The following BIRC2 variants were observed in gnomAD, a reference collection of about 807,000 sequenced individuals.
BIRC2 encodes baculoviral IAP repeat-containing protein 2.
BIRC2 carries 18 observed loss-of-function variants against 60.9 expected under a neutral mutation model. That is an observed-to-expected ratio of 0.30 (90% CI 0.20 to 0.44). The LOEUF is 0.44. BIRC2 is among the 20% of genes least tolerant of loss of function. The pLI is 1.00. For synonymous variants in BIRC2, 282 were observed against 247.7 expected, an observed-to-expected ratio of 1.14 and a Z score of -1.30; for missense variants, 701 against 728.5, an observed-to-expected ratio of 0.96 and a Z score of 0.43.
At position 102,361,678 on chromosome 11, in the gene BIRC2, G is replaced by A. The variant is rs149211707; in HGVS notation, c.996-1218G>A. Among the ~76,000 whole-genome samples the A allele has an allele frequency of 2.9e-4, 44 of 152,204 alleles. No homozygotes were observed. In the East Asian group the frequency reaches 8.3e-3, roughly 29 times the overall value. ...CTTGAGGGTTATTGGAGGTCTCCAG[G>A]GACCTGCTCTGGGGAGGAGCCTAGC... On this transcript the variant is annotated intron_variant, in intron 3 of 8. Transcript: ENST00000227758.
At position 102,368,536 on chromosome 11, in the gene BIRC2, G is replaced by A. The variant is rs1392494916; in HGVS notation, c.1354G>A (p.Glu452Lys). The A allele has an allele frequency of 1.9e-6, 3 of 1,613,184 alleles. No homozygotes were observed. The highest frequency in any genetic ancestry group is 2.5e-6 in the Non-Finnish European group (3 of 1,179,720). ...AGAGGAGAAGGAAAAACAAGCTGAA[G>A]AAATGGCATCAGGTATTTGGGGATG... ...REEEKEKQAEEMASDDLSLIR... is the reference protein window; with the variant it reads ...REEEKEKQAEKMASDDLSLIR... Residue 452 changes from glutamate to lysine, a missense_variant, in exon 6 of 9, where the codon GAA becomes AAA. Coordinates refer to ENST00000227758, the MANE Select transcript of BIRC2 (RefSeq NM_001166.5).
intron 6 of BIRC2, among the ~76,000 whole-genome samples, chr11:102,374,327 G>C (rs1332749529): frequency 3.3e-5 from 5 of 150,372 alleles, no homozygotes; most frequent in Admixed American, 6.6e-5. Flanking sequence ...TGATGATGGT[G>C]ATGTACAGAT....
chr11:102,348,210 G>GTAC (rs894368595), intron 1 of BIRC2: 2 of 152,304 alleles, frequency 1.3e-5, no homozygotes, highest in African/African-American at 4.8e-5. Flanking sequence ...AATTCCTGCT[G>GTAC]TACTGCTGCT....
intron 3 of BIRC2, among the ~76,000 whole-genome samples, chr11:102,354,089 A>G (rs2135806036): frequency 6.6e-6 from 1 of 152,304 alleles, no homozygotes; most frequent in Non-Finnish European, 1.5e-5. Flanking sequence ...CTGGGTGTAA[A>G]TGGACATGTG....
intron 3 of BIRC2, among the ~76,000 whole-genome samples, chr11:102,357,717 T>C (rs532931651): frequency 6.6e-6 from 1 of 152,250 alleles, no homozygotes; most frequent in East Asian, 1.9e-4. Context: ...TTACTTATCT[T>C]TTCAAAATCC....
chr11:102,361,134 C>T (rs1360619846), intron 3 of BIRC2, among the ~76,000 whole-genome samples: 1 of 152,016 alleles, frequency 6.6e-6, no homozygotes, highest in African/African-American at 2.4e-5. Flanking sequence ...ACTGATGTCT[C>T]TGATGGCGTG....
Position 102,350,052 on chromosome 11 carries a change from T to C in BIRC2, c.198T>C (p.Ser66=), listed in dbSNP as rs539386469. The C allele has an allele frequency of 6.2e-7, 1 of 1,614,056 alleles. No homozygotes were observed. Among genetic ancestry groups the C allele is most frequent in the African/African-American group, 1.3e-5 (1 of 74,986 alleles). The change falls in exon 2 of 9, where the codon AGT becomes AGC. Residue 66 remains serine, a synonymous_variant. Transcript: ENST00000227758. The part of the protein sequence containing the change: ...FPAGVPVSER[S]LARAGFYYTG... ...CCGGGGTGCCTGTCTCAGAAAGGAG[T>C]CTTGCTCGTGCTGGTTTTTATTATA...
intron 6 of BIRC2, 120 bp from the exon 7 acceptor site, chr11:102,377,376 G>C: frequency 1.2e-6 from 1 of 866,996 alleles, no homozygotes; most frequent in Non-Finnish European, 1.7e-6. Flanking sequence ...AAGTTACTTT[G>C]TTCTTTTTTG....
At chr11:102,362,648 G>A (rs1013878121) in intron 3 of BIRC2, 34 of 354,058 alleles carry the variant, frequency 9.6e-5, no homozygotes, top group Non-Finnish European at 1.6e-4. Context: ...TGTAGGTGCA[G>A]ACGCTTTTCT....
At chr11:102,377,930 A>G (rs752321408) in intron 8 of BIRC2, 32 bp downstream of exon 8, 5 of 1,605,896 alleles carry the variant, frequency 3.1e-6, no homozygotes, top group African/African-American at 1.3e-5. Context: ...AACATGAACT[A>G]TTACCCTTTT....
chr11:102,366,594 TCTC>T (rs1951555487), intron 5 of BIRC2, among the ~76,000 whole-genome samples: 1 of 151,746 alleles, frequency 6.6e-6, no homozygotes, highest in Non-Finnish European at 1.5e-5. Flanking sequence ...ATGGTCTCGA[TCTC>T]CTCACCTCAT....
chr11:102,353,087 CTTAA>C, intron 3 of BIRC2, among the ~76,000 whole-genome samples: 1 of 152,052 alleles, frequency 6.6e-6, no homozygotes, highest in South Asian at 2.1e-4. Context: ...TTTTAAATGA[CTTAA>C]TTATGTTGGG....
chr11:102,376,354 A>G (rs1178332641), intron 6 of BIRC2, among the ~76,000 whole-genome samples: 1 of 152,210 alleles, frequency 6.6e-6, no homozygotes, highest in Non-Finnish European at 1.5e-5. Context: ...GTGAAGAACA[A>G]ATTGGTTAGC....
intron 5 of BIRC2, among the ~76,000 whole-genome samples, chr11:102,364,173 A>ATATATATATATATATG (rs1951522926): frequency 4.1e-5 from 4 of 97,704 alleles, no homozygotes; most frequent in African/African-American, 2.0e-4. Context: ...ATATATATAT[A>ATATATATATATATATG]TACACACACA....
At chr11:102,352,221 C>G (rs1375402986) in intron 3 of BIRC2, among the ~76,000 whole-genome samples, 1 of 151,504 alleles carries the variant, frequency 6.6e-6, no homozygotes, top group Non-Finnish European at 1.5e-5. Context: ...TCACGCCATT[C>G]TCCTGCCTCA....
At position 102,366,940 on chromosome 11, in the gene BIRC2, T is replaced by C. The variant is rs537154204; in HGVS notation, c.1124-1366T>C. 5.3e-5 allele frequency among the ~76,000 whole-genome samples: 8 copies of C among 152,368 alleles called. No homozygotes were observed. The South Asian group carries it at 8.3e-4, about 16-fold the overall frequency. On this transcript the variant is annotated intron_variant, in intron 5 of 8. Coordinates refer to ENST00000227758, the MANE Select transcript of BIRC2 (RefSeq NM_001166.5). ...TACCTTCTACCACCTTCTTTCTGTT[T>C]CTTGATCATGTCAAGCTTTTCCCTC...
At chr11:102,374,626 T>C (rs1412745708) in intron 6 of BIRC2, among the ~76,000 whole-genome samples, 10 of 151,966 alleles carry the variant, frequency 6.6e-5, no homozygotes, top group Non-Finnish European at 5.9e-5. Flanking sequence ...TTTTTGTTTG[T>C]CTGTGCCCTG....
chr11:102,364,174 T>TATATATATATATATATATATATAC (rs1389968594), intron 5 of BIRC2, among the ~76,000 whole-genome samples: 7 of 78,104 alleles, frequency 9.0e-5, no homozygotes, highest in Admixed American at 1.5e-4. Flanking sequence ...TATATATATA[T>TATATATATATATATATATATATAC]ACACACACAC....
chr11:102,349,669 G>C lies in BIRC2; in HGVS notation c.-186G>C. ...ACCCCAAAGAGTTGTGTTCTAAGTA[G>C]TATCTTGGTAATTCAGAGAGATACT... On this transcript the variant is annotated 5_prime_UTR_variant, in exon 2 of 9. Coordinates refer to ENST00000227758, the MANE Select transcript of BIRC2 (RefSeq NM_001166.5). The C allele has an allele frequency of 1.6e-6, 1 of 606,434 alleles. No individual in the cohort carries two copies. Among genetic ancestry groups the C allele is most frequent in the Non-Finnish European group, 2.8e-6 (1 of 361,798 alleles). 37.6% of individuals were successfully genotyped at this position (606,434 alleles called of 1,614,324 possible).
Sources: gnomAD v4.1 joint callset for allele counts (sites outside exome capture counted in the v4.1 genomes callset) on GRCh38, gnomAD v4.1.1 for gene constraint, MANE v1.5 for transcripts, NCBI Gene and HGNC (gene_info 2026-07-23, HGNC 2026-07-21) for gene names.